PPP2R5A: variants seen among roughly 807,000 people sequenced by gnomAD.
PPP2R5A encodes protein phosphatase 2 regulatory subunit B'alpha.
PPP2R5A carries 25 observed loss-of-function variants against 64.2 expected under a neutral mutation model. That is an observed-to-expected ratio of 0.39 (90% CI 0.28 to 0.54). The LOEUF (loss-of-function observed/expected upper bound fraction) is 0.54, where lower values mean the gene tolerates loss of function less well. Ranked by LOEUF, PPP2R5A falls within the 20% of genes least tolerant of loss-of-function variation. The pLI, the probability that PPP2R5A is intolerant of heterozygous loss-of-function variation, is 0.67. For missense variants in PPP2R5A, 425 were observed against 576.3 expected (o/e 0.74, Z 2.69); for synonymous variants, 198 against 201.2 (o/e 0.98, Z 0.13).
At chr1:212,310,230 A>T (rs1659002914) in intron 1 of PPP2R5A, among the ~76,000 whole-genome samples, 1 of 152,124 alleles carries the variant, frequency 6.6e-6, no homozygotes, top group Admixed American at 6.5e-5. Context: ...CCTTTGAAGG[A>T]ATAGTTCCCA....
At position 212,357,293 on chromosome 1, in the gene PPP2R5A, C is replaced by G; in HGVS notation, c.1226+9C>G. The stretch of plus-strand genomic sequence containing the variant: ...AAAGAACACTGGAATCCGTAAGTAT[C>G]TTTTATATAGGTCGTATTTTTTTCT... On this transcript the variant is annotated intron_variant, in intron 11 of 12. Transcript: ENST00000261461. The G allele has an allele frequency of 6.6e-7, 1 of 1,511,834 alleles. No homozygotes were observed. Among genetic ancestry groups the G allele is most frequent in the Non-Finnish European group, 8.8e-7 (1 of 1,134,640 alleles). 93.7% of individuals were successfully genotyped at this position (1,511,834 alleles called of 1,614,324 possible). A position where few individuals can be genotyped will look rare whatever the true frequency, so the allele number is the denominator to read the frequency against.
intron 1 of PPP2R5A, chr1:212,302,059 G>A: frequency 1.3e-6 from 2 of 1,528,460 alleles, no homozygotes; most frequent in Non-Finnish European, 1.8e-6. Flanking sequence ...ATTTAATGAA[G>A]AAGGGCAAGA....
intron 1 of PPP2R5A, among the ~76,000 whole-genome samples, chr1:212,289,725 C>T (rs1475916309): frequency 1.3e-5 from 2 of 152,044 alleles, no homozygotes; most frequent in Admixed American, 1.3e-4. Flanking sequence ...AGTTCCCATT[C>T]TCTTAAATAT....
Position 212,348,401 on chromosome 1 carries a change from C to T in PPP2R5A, c.777C>T (p.Gly259=), listed in dbSNP as rs755030936. 5.0e-6 allele frequency: 8 copies of T among 1,605,804 alleles called. No individual in the cohort carries two copies. In the South Asian group the frequency reaches 8.8e-5, roughly 18 times the overall value. Reference sequence around the variant, plus strand: ...TTTTTCCCTCCAGTATTATCAATGGCTTTGCATTGCCACTGAAAGCAGAAC... The same window carrying T: ...TTTTTCCCTCCAGTATTATCAATGGTTTTGCATTGCCACTGAAAGCAGAAC... ...LLEILGSIIN[G]FALPLKAEHK... The change falls in exon 7 of 13, where the codon GGC becomes GGT. Residue 259 remains glycine, a synonymous_variant. Transcript: ENST00000261461.
At chr1:212,320,649 C>T (rs1659259349) in intron 1 of PPP2R5A, among the ~76,000 whole-genome samples, 1 of 115,572 alleles carries the variant, frequency 8.7e-6, no homozygotes, top group Non-Finnish European at 2.1e-5. Context: ...CCCTCCCCGC[C>T]TCCCTCCCGG....
intron 3 of PPP2R5A, among the ~76,000 whole-genome samples, chr1:212,336,495 C>G (rs1336527166): frequency 1.3e-5 from 2 of 152,128 alleles, no homozygotes; most frequent in African/African-American, 4.8e-5. Context: ...TCTATGGTCC[C>G]TTGATTAAAA....
chr1:212,349,932 A>G (rs949526746), intron 8 of PPP2R5A, among the ~76,000 whole-genome samples: 1 of 152,238 alleles, frequency 6.6e-6, no homozygotes, highest in African/African-American at 2.4e-5. Context: ...TGAAGTAAGT[A>G]TTTTGAGAGA....
In PPP2R5A at chr1:212,285,446, G is replaced by A. The variant is rs536081680; in HGVS notation, c.-665G>A. 1 of 152,442 alleles carries A rather than the reference G, an allele frequency of 6.6e-6. No homozygotes were observed. Among genetic ancestry groups the A allele is most frequent in the Non-Finnish European group, 1.5e-5 (1 of 68,246 alleles). 9.4% of individuals were successfully genotyped at this position (152,442 alleles called of 1,614,324 possible). ...CCAACCACCTTCTCAAGTTGTAGCGGTCGCTCGCCTGGGGTTCTCCGTGGG... is the reference window on the plus strand; with the variant it reads ...CCAACCACCTTCTCAAGTTGTAGCGATCGCTCGCCTGGGGTTCTCCGTGGG... On this transcript the variant is annotated 5_prime_UTR_variant, in exon 1 of 13. Transcript: ENST00000261461.
At chr1:212,342,030 T>TA (rs1558151982) in intron 3 of PPP2R5A, among the ~76,000 whole-genome samples, 158 bp from the exon 4 acceptor site, 1 of 152,110 alleles carries the variant, frequency 6.6e-6, no homozygotes, top group African/African-American at 2.4e-5. Context: ...TGTGAATTTT[T>TA]AAAAAAAATT....
At chr1:212,348,807 AC>A (rs1659827658) in intron 7 of PPP2R5A, among the ~76,000 whole-genome samples, 1 of 152,194 alleles carries the variant, frequency 6.6e-6, no homozygotes, top group Non-Finnish European at 1.5e-5. Flanking sequence ...AGCTGCAATA[AC>A]CTAGACCTAG....
At chr1:212,314,312 G>T (rs1659103319) in intron 1 of PPP2R5A, among the ~76,000 whole-genome samples, 3 of 152,146 alleles carry the variant, frequency 2.0e-5, no homozygotes, top group Admixed American at 6.5e-5. Flanking sequence ...ATGGAGCAGA[G>T]ATAAGCTATC....
chr1:212,357,639 TA>T (rs35097333), intron 11 of PPP2R5A, among the ~76,000 whole-genome samples: 45,119 of 151,344 alleles, frequency 0.3, 7,218 homozygotes, highest in Non-Finnish European at 0.37. Flanking sequence ...CCATCTCTAC[TA>T]AAACTACAAA....
chr1:212,317,201 A>G (rs1659171797), intron 1 of PPP2R5A, among the ~76,000 whole-genome samples: 1 of 151,518 alleles, frequency 6.6e-6, no homozygotes, highest in Middle Eastern at 3.4e-3. Context: ...CTATGGGCCT[A>G]TTTTTCTGTT....
At chr1:212,322,473 A>T (rs1308673838) in intron 1 of PPP2R5A, among the ~76,000 whole-genome samples, 3 of 152,182 alleles carry the variant, frequency 2.0e-5, no homozygotes, top group African/African-American at 4.8e-5. Flanking sequence ...ATATTTCATA[A>T]TTTTTTAAAT....
chr1:212,288,765 TGAAA>T (rs577079909), intron 1 of PPP2R5A, among the ~76,000 whole-genome samples: 133 of 152,328 alleles, frequency 8.7e-4, no homozygotes, highest in African/African-American at 3.1e-3. Flanking sequence ...AGTATGTGTA[TGAAA>T]GAAAGAATTT....
At chr1:212,307,483 G>C (rs911022969) in intron 1 of PPP2R5A, among the ~76,000 whole-genome samples, 2 of 151,708 alleles carry the variant, frequency 1.3e-5, no homozygotes, top group Non-Finnish European at 2.9e-5. Flanking sequence ...ACCATCAGTA[G>C]TTATTTCTTT....
chr1:212,339,100 T>C (rs1367234468), intron 3 of PPP2R5A, among the ~76,000 whole-genome samples: 1 of 152,216 alleles, frequency 6.6e-6, no homozygotes, highest in African/African-American at 2.4e-5. Context: ...ATCTCAATTA[T>C]TCCATTTTGA....
intron 1 of PPP2R5A, among the ~76,000 whole-genome samples, chr1:212,289,231 TACCAAGTGAAACAATCCAA>T (rs1408166207): frequency 1.3e-5 from 2 of 152,254 alleles, no homozygotes; most frequent in Non-Finnish European, 2.9e-5. Flanking sequence ...GTATTGTTCA[TACCAAGTGAAACAATCCAA>T]AGATATGTAA....
In PPP2R5A at chr1:212,286,294, A is replaced by G; in HGVS notation, c.181+3A>G. 1 of 1,510,064 alleles carries G rather than the reference A, an allele frequency of 6.6e-7. No individual in the cohort carries two copies. Among genetic ancestry groups the G allele is most frequent in the Non-Finnish European group, 8.9e-7 (1 of 1,129,742 alleles). 93.5% of individuals were successfully genotyped at this position (1,510,064 alleles called of 1,614,324 possible). A position where few individuals can be genotyped will look rare whatever the true frequency, so the allele number is the denominator to read the frequency against. On this transcript the variant is annotated splice_donor_region_variant and intron_variant, in intron 1 of 12. Coordinates refer to ENST00000261461, the MANE Select transcript of PPP2R5A (RefSeq NM_006243.4). Reference sequence around the variant, plus strand: ...GCACCCGCTGCCCCAGCTCAAAGGTAACCTCCGAGGGCGCAGCCCCAGCAG... The same window carrying G: ...GCACCCGCTGCCCCAGCTCAAAGGTGACCTCCGAGGGCGCAGCCCCAGCAG...
Sources: gnomAD v4.1 joint callset for allele counts (sites outside exome capture counted in the v4.1 genomes callset) on GRCh38, gnomAD v4.1.1 for gene constraint, MANE v1.5 for transcripts, NCBI Gene and HGNC (gene_info 2026-07-23, HGNC 2026-07-21) for gene names.